DSC2: variants seen among roughly 807,000 people sequenced by gnomAD.
DSC2 encodes the protein desmocollin-2.
DSC2 carries 51 observed loss-of-function variants against 87.6 expected under a neutral mutation model. The ratio of observed to expected loss-of-function variants is 0.58; its 90% CI spans 0.46 to 0.74. The LOEUF is 0.74. Ranked by LOEUF, DSC2 falls within the 30% of genes least tolerant of loss-of-function variation. The probability of loss-of-function intolerance (pLI) is 0.00; values close to 1 mark genes in which losing one functional copy is unlikely to be tolerated. For synonymous variants in DSC2, 383 were observed against 393.2 expected (o/e 0.97, Z 0.31); for missense variants, 1,066 against 1,089.5 (o/e 0.98, Z 0.30).
rs750961818 is a variant in DSC2 at position 31,087,786 on chromosome 18, C to T, written c.658G>A (p.Gly220Arg). ...EIIAFATTPD[G>R]YTPELPLPLI... ...GGCAGTGGAAGTTCTGGAGTATACCCATCTGGAGTTGTTGCAAAGGCAATT... is the reference window on the plus strand; with the variant it reads ...GGCAGTGGAAGTTCTGGAGTATACCTATCTGGAGTTGTTGCAAAGGCAATT... The change falls in exon 6 of 16, where the codon GGG becomes AGG. Residue 220 changes from glycine to arginine, a missense_variant. Coordinates refer to ENST00000280904, the MANE Select transcript of DSC2 (RefSeq NM_024422.6). The T allele has an allele frequency of 5.0e-6, 8 of 1,613,714 alleles. No individual in the cohort carries two copies. The highest frequency in any genetic ancestry group is 1.3e-5 in the African/African-American group (1 of 74,874).
At position 31,064,842 on chromosome 18, in the gene DSC2, T is replaced by C. The variant is rs1203202634; in HGVS notation, c.*3173A>G. ...CAGTTGTCAAGACTTCAATCTGGAG[T>C]CCAGGAATGGAGATGGAGACAAAAG... On this transcript the variant is annotated 3_prime_UTR_variant, in exon 16 of 16. Transcript: ENST00000280904. The C allele has an allele frequency of 6.6e-6, 1 of 151,786 alleles. No homozygotes were observed. Among genetic ancestry groups the C allele is most frequent in the Non-Finnish European group, 1.5e-5 (1 of 67,966 alleles). 9.4% of individuals were successfully genotyped at this position (151,786 alleles called of 1,614,324 possible).
chr18:31,091,007 C>CAGAA, intron 4 of DSC2, 21 bp downstream of exon 4: 1 of 1,613,794 alleles, frequency 6.2e-7, no homozygotes. Flanking sequence ...ACTCCCACAG[C>CAGAA]AGAAAGAAAG....
chr18:31,069,252 C>T, intron 14 of DSC2, 101 bp from the exon 15 acceptor site: 1 of 1,440,588 alleles, frequency 6.9e-7, no homozygotes, highest in Non-Finnish European at 9.5e-7. Flanking sequence ...TGTGTGTATG[C>T]TAGAAGGTAA....
chr18:31,094,484 CA>C (rs1250802442), intron 1 of DSC2, among the ~76,000 whole-genome samples: 1 of 152,148 alleles, frequency 6.6e-6, no homozygotes, highest in Non-Finnish European at 1.5e-5. Context: ...TCCAATGCAA[CA>C]TATACGTAAA....
chr18:31,082,269 T>C lies in DSC2; in HGVS notation c.1232A>G (p.Lys411Arg), dbSNP rs1567977831. Reference protein sequence around the residue: ...NGNFKIVTDAKTNEGVLCVVK... With the variant: ...NGNFKIVTDARTNEGVLCVVK... ...TACACAAAGAACTCCTTCATTGGTT[T>C]TGGCATCTGTTACAATTTTAAAATT... The change falls in exon 9 of 16, where the codon AAA becomes AGA. Residue 411 changes from lysine to arginine, a missense_variant. Physicochemically the swap from Lys to Arg is conservative, Grantham distance 26. Coordinates refer to ENST00000280904, the MANE Select transcript of DSC2 (RefSeq NM_024422.6). 1 of 1,613,700 alleles carries C rather than the reference T, an allele frequency of 6.2e-7. No homozygotes were observed.
intron 1 of DSC2, chr18:31,101,229 C>A: frequency 1.0e-6 from 1 of 985,304 alleles, no homozygotes; most frequent in Non-Finnish European, 1.2e-6. Context: ...ACCTAGGGCT[C>A]GCCGGTCGAC....
rs866591132 is a variant in DSC2, at chr18:31,097,150, T to G, written c.70-3507A>C. On this transcript the variant is annotated intron_variant, in intron 1 of 15. Transcript: ENST00000280904. ...ACAAAAAAAAAAAATTAGCCAGGCG[T>G]GGTGGCGGGCACCGGTAGTCCCGGC... Among the ~76,000 whole-genome samples, 576 of 151,472 alleles carry G rather than the reference T, an allele frequency of 3.8e-3. 2 individuals are homozygous for G. The highest frequency in any genetic ancestry group is 0.013 in the African/African-American group (523 of 41,302).
At chr18:31,095,133 G>T (rs968853838) in intron 1 of DSC2, among the ~76,000 whole-genome samples, 1 of 152,172 alleles carries the variant, frequency 6.6e-6, no homozygotes. Flanking sequence ...GGGTGACAAC[G>T]AGAATACCTG....
chr18:31,083,036 T>C lies in DSC2; in HGVS notation c.967A>G (p.Ile323Val). ...TGACCATCCATGTCTTGTACTTTTA[T>C]TTTCAACTGGTACTTGTCAATTAAC... ...RELIDKYQLKIKVQDMDGQYF... is the reference protein window; with the variant it reads ...RELIDKYQLKVKVQDMDGQYF... The change falls in exon 8 of 16, where the codon ATA (isoleucine) becomes GTA (valine). Residue 323 changes from isoleucine (I) to valine (V), a missense_variant. Coordinates refer to ENST00000280904, the MANE Select transcript of DSC2 (RefSeq NM_024422.6). 1 of 1,612,720 alleles carries C rather than the reference T, an allele frequency of 6.2e-7. No individual in the cohort carries two copies. The highest frequency in any genetic ancestry group is 8.5e-7 in the Non-Finnish European group (1 of 1,179,608).
chr18:31,079,660 A>G (rs775447695), intron 11 of DSC2, among the ~76,000 whole-genome samples, 187 bp downstream of exon 11: 2 of 152,248 alleles, frequency 1.3e-5, no homozygotes, highest in Non-Finnish European at 2.9e-5. Flanking sequence ...AATTACATCT[A>G]AAACTGAGAA....
intron 1 of DSC2, 154 bp downstream of exon 1, chr18:31,101,749 T>A: frequency 1.5e-6 from 1 of 660,392 alleles, no homozygotes; most frequent in East Asian, 3.3e-5. Flanking sequence ...CTATCTGCCC[T>A]CCCCCACCCC....
rs1468078297 is a variant in DSC2, at chr18:31,071,799, C to T, written c.1931G>A (p.Gly644Asp). 1 of 1,613,804 alleles carries T rather than the reference C, an allele frequency of 6.2e-7. No homozygotes were observed. Among genetic ancestry groups the T allele is most frequent in the Non-Finnish European group, 8.5e-7 (1 of 1,179,920 alleles). ...CACTGTTATAGGTACTACATATGAG[C>T]CAAATGGAGGATCATTCTGATAGGA... ...RLSYQNDPPF[G>D]SYVVPITVRD... Residue 644 changes from glycine to aspartate, a missense_variant, in exon 13 of 16, where the codon GGC becomes GAC. Coordinates refer to ENST00000280904, the MANE Select transcript of DSC2 (RefSeq NM_024422.6).
chr18:31,073,105 T>C (rs1986886773), intron 12 of DSC2, among the ~76,000 whole-genome samples: 1 of 152,132 alleles, frequency 6.6e-6, no homozygotes, highest in Non-Finnish European at 1.5e-5. Flanking sequence ...GGTATATTCT[T>C]CTTAAAACTT....
chr18:31,071,940 C>A (rs913738245), intron 12 of DSC2, 99 bp from the exon 13 acceptor site: 15 of 1,102,296 alleles, frequency 1.4e-5, no homozygotes, highest in Admixed American at 9.3e-5. Context: ...TTCCTAGAAA[C>A]AGATATTCCT....
chr18:31,084,716 T>C (rs1280152395), intron 7 of DSC2, among the ~76,000 whole-genome samples: 4 of 151,956 alleles, frequency 2.6e-5, no homozygotes, highest in Admixed American at 2.6e-4. Flanking sequence ...TCTATGGCTA[T>C]GCAGACTATA....
At position 31,101,796 on chromosome 18, in the gene DSC2, C is replaced by T. The variant is rs1987968618; in HGVS notation, c.69+107G>A. ...TTTTCTAGCCACCCAGAGGCCCCTT[C>T]ACCCCAGCTTTTCCCGCCACCCCCA... is the stretch of plus-strand genomic sequence containing the variant. On this transcript the variant is annotated intron_variant, in intron 1 of 15. Coordinates refer to ENST00000280904, the MANE Select transcript of DSC2 (RefSeq NM_024422.6). 3 of 1,058,156 alleles carry T rather than the reference C, an allele frequency of 2.8e-6. No individual in the cohort carries two copies. In the Admixed American group the frequency reaches 7.5e-5, roughly 26 times the overall value. 65.5% of individuals were successfully genotyped at this position (1,058,156 alleles called of 1,614,324 possible). A position where few individuals can be genotyped will look rare whatever the true frequency, so the allele number is the denominator to read the frequency against.
In DSC2 at chr18:31,074,806, T is replaced by C. The variant is rs1442456553; in HGVS notation, c.1765A>G (p.Met589Val). 10 of 1,614,048 alleles carry C rather than the reference T, an allele frequency of 6.2e-6. No homozygotes were observed. Among genetic ancestry groups the C allele is most frequent in the East Asian group, 2.2e-5 (1 of 44,846 alleles). Reference sequence around the variant, plus strand: ...ACCGCAACAATCTCCGCAGATGACATGGTGGGTTTGCAGATGATCACTGTC... The same window carrying C: ...ACCGCAACAATCTCCGCAGATGACACGGTGGGTTTGCAGATGATCACTGTC... Reference protein sequence around the residue: ...KKTVIICKPTMSSAEIVAVDP... With the variant: ...KKTVIICKPTVSSAEIVAVDP... The change falls in exon 12 of 16, where the codon ATG (methionine) becomes GTG (valine). Residue 589 changes from methionine to valine, a missense_variant. Met to Val is a conservative substitution (Grantham distance 21, BLOSUM62 1). Coordinates refer to ENST00000280904, the MANE Select transcript of DSC2 (RefSeq NM_024422.6).
At chr18:31,095,670 TGTGTATC>T (rs945842058) in intron 1 of DSC2, among the ~76,000 whole-genome samples, 2 of 152,184 alleles carry the variant, frequency 1.3e-5, no homozygotes, top group African/African-American at 4.8e-5. Flanking sequence ...ATTTACTGAA[TGTGTATC>T]ATGTACCACA....
At position 31,080,330 on chromosome 18, in the gene DSC2, T is replaced by C; in HGVS notation, c.1286A>G (p.Gln429Arg). Residue 429 changes from glutamine (Q) to arginine (R), a missense_variant, in exon 10 of 16, where the codon CAA becomes CGA. Physicochemically the swap from Gln to Arg is conservative, Grantham distance 43 (BLOSUM62 1). Coordinates refer to ENST00000280904, the MANE Select transcript of DSC2 (RefSeq NM_024422.6). ...VVKPLNYEEK[Q>R]QMILQIGVVN... ...TACACCAATTTGCAAGATCATCTGT[T>C]GCTTTTCTTCATAATTCAAAGGCTA... is the stretch of plus-strand genomic sequence containing the variant. 1 of 1,614,034 alleles carries C rather than the reference T, an allele frequency of 6.2e-7. No individual in the cohort carries two copies. The highest frequency in any genetic ancestry group is 2.2e-5 in the East Asian group (1 of 44,866).
Sources: gnomAD v4.1 joint callset for allele counts (sites outside exome capture counted in the v4.1 genomes callset) on GRCh38, gnomAD v4.1.1 for gene constraint, MANE v1.5 for transcripts, NCBI Gene and HGNC (gene_info 2026-07-23, HGNC 2026-07-21) for gene names.